The following CSMD1 variants were observed in gnomAD, a reference collection of about 807,000 sequenced individuals.
CSMD1 encodes CUB and sushi domain-containing protein 1.
In CSMD1, 213 loss-of-function variants were observed where a neutral mutation model predicts 417.5. The observed-to-expected ratio is 0.51, with a 90% CI of 0.46 to 0.57. The LOEUF is 0.57. Ranked by LOEUF, CSMD1 falls within the 20% of genes least tolerant of loss-of-function variation. The pLI is 0.00. For synonymous variants in CSMD1, 2,862 were observed against 1,736.8 expected, an observed-to-expected ratio of 1.65 and a Z score of -16.11; for missense variants, 6,923 against 4,529.7, an observed-to-expected ratio of 1.53 and a Z score of -15.17.
chr8:4,979,220 T>C (rs1810737674), intron 1 of CSMD1, among the ~76,000 whole-genome samples: 1 of 152,182 alleles, frequency 6.6e-6, no homozygotes, highest in Non-Finnish European at 1.5e-5. Flanking sequence ...TCTAATTTTT[T>C]TTTAGTTGCA....
chr8:4,175,399 G>A (rs767597267), intron 3 of CSMD1, among the ~76,000 whole-genome samples: 19 of 152,046 alleles, frequency 1.2e-4, no homozygotes, highest in South Asian at 1.2e-3. Context: ...TCTTACCTGC[G>A]CTATACTTTT....
intron 42 of CSMD1, among the ~76,000 whole-genome samples, chr8:3,115,167 T>G (rs1816786665): frequency 6.6e-6 from 1 of 151,422 alleles, no homozygotes; most frequent in Admixed American, 6.6e-5. Context: ...AACCAAATTC[T>G]ACTTAATCAT....
At chr8:4,459,710 C>G (rs1388656815) in intron 2 of CSMD1, among the ~76,000 whole-genome samples, 1 of 152,158 alleles carries the variant, frequency 6.6e-6, no homozygotes, top group Non-Finnish European at 1.5e-5. Context: ...AGAGCAAGTT[C>G]AGAAATAATG....
At chr8:3,183,617 T>A (rs998564845) in intron 36 of CSMD1, among the ~76,000 whole-genome samples, 11 of 150,888 alleles carry the variant, frequency 7.3e-5, no homozygotes, top group Non-Finnish European at 1.6e-4. Context: ...CTCTAATGTT[T>A]CTTAACGATA....
At chr8:4,313,916 A>C (rs1236409773) in intron 3 of CSMD1, among the ~76,000 whole-genome samples, 1 of 152,042 alleles carries the variant, frequency 6.6e-6, no homozygotes, top group Admixed American at 6.6e-5. Flanking sequence ...TGGGAGGCTG[A>C]GTCAGGAGAG....
At chr8:4,328,242 A>ATTTTTT (rs3067534) in intron 3 of CSMD1, among the ~76,000 whole-genome samples, 1 of 124,702 alleles carries the variant, frequency 8.0e-6, no homozygotes. Context: ...ACTCAATACA[A>ATTTTTT]TTTTTTTTTT....
chr8:3,747,429 TAATG>T (rs957788185), intron 6 of CSMD1, among the ~76,000 whole-genome samples: 51 of 152,050 alleles, frequency 3.4e-4, no homozygotes, highest in Admixed American at 7.2e-4. Context: ...TTTTTTTTAC[TAATG>T]GTCATCCATG....
At chr8:3,984,155 G>C (rs1369464474) in intron 5 of CSMD1, among the ~76,000 whole-genome samples, 1 of 152,162 alleles carries the variant, frequency 6.6e-6, no homozygotes, top group African/African-American at 2.4e-5. Flanking sequence ...TGCAGCTCTA[G>C]AGCACATCGC....
At chr8:4,785,311 G>A (rs1162660843) in intron 1 of CSMD1, among the ~76,000 whole-genome samples, 1 of 152,166 alleles carries the variant, frequency 6.6e-6, no homozygotes, top group Non-Finnish European at 1.5e-5. Flanking sequence ...TTACTGGGGT[G>A]CAAAGCATTG....
At chr8:3,298,690 G>A (rs1188796508) in intron 25 of CSMD1, among the ~76,000 whole-genome samples, 1 of 152,206 alleles carries the variant, frequency 6.6e-6, no homozygotes, top group Non-Finnish European at 1.5e-5. Flanking sequence ...CTGATCTCAG[G>A]TAATCTGCCC....
At chr8:3,853,295 C>G (rs1804042647) in intron 5 of CSMD1, among the ~76,000 whole-genome samples, 1 of 152,168 alleles carries the variant, frequency 6.6e-6, no homozygotes. Flanking sequence ...TCTTCATACC[C>G]TGATCAATTT....
At chr8:4,638,258 G>C (rs1802964796) in intron 1 of CSMD1, among the ~76,000 whole-genome samples, 1 of 151,908 alleles carries the variant, frequency 6.6e-6, no homozygotes, top group Non-Finnish European at 1.5e-5. Context: ...AGTTACAGAA[G>C]AATAAACATT....
chr8:4,750,140 G>C (rs373439666), intron 1 of CSMD1, among the ~76,000 whole-genome samples: 1 of 152,090 alleles, frequency 6.6e-6, no homozygotes, highest in African/African-American at 2.4e-5. Context: ...CGAGTAGCTG[G>C]GACTACAGGC....
At chr8:3,628,668 G>A (rs550688274) in intron 7 of CSMD1, among the ~76,000 whole-genome samples, 64 of 152,170 alleles carry the variant, frequency 4.2e-4, no homozygotes, top group Admixed American at 1.7e-3. Context: ...ATCCTCACAG[G>A]CGCCCCGAGA....
At chr8:4,778,025 G>A (rs980699082) in intron 1 of CSMD1, among the ~76,000 whole-genome samples, 4 of 152,184 alleles carry the variant, frequency 2.6e-5, no homozygotes, top group African/African-American at 9.7e-5. Flanking sequence ...TCCCGTTCTA[G>A]ATGGTAGTGG....
At chr8:4,159,975 C>T (rs1045043419) in intron 3 of CSMD1, among the ~76,000 whole-genome samples, 2 of 151,932 alleles carry the variant, frequency 1.3e-5, no homozygotes, top group Admixed American at 6.6e-5. Context: ...AAAAGACTAC[C>T]AATTGGGTTC....
At chr8:3,012,501 C>G (rs933173626) in intron 52 of CSMD1, among the ~76,000 whole-genome samples, 1 of 152,152 alleles carries the variant, frequency 6.6e-6, no homozygotes, top group African/African-American at 2.4e-5. Context: ...GAAGCACAAT[C>G]TCAGGAAACA....
intron 8 of CSMD1, among the ~76,000 whole-genome samples, chr8:3,603,966 T>G (rs1801484048): frequency 6.6e-6 from 1 of 152,220 alleles, no homozygotes; most frequent in South Asian, 2.1e-4. Flanking sequence ...CTTACAAGTT[T>G]ACCTGTAAAT....
chr8:4,547,920 G>T (rs896585856), intron 2 of CSMD1, among the ~76,000 whole-genome samples: 1 of 152,142 alleles, frequency 6.6e-6, no homozygotes, highest in Non-Finnish European at 1.5e-5. Context: ...TAAAGGCCGA[G>T]AAAACAACTT....
Sources: gnomAD v4.1 joint callset for allele counts (sites outside exome capture counted in the v4.1 genomes callset) on GRCh38, gnomAD v4.1.1 for gene constraint, MANE v1.5 for transcripts, NCBI Gene and HGNC (gene_info 2026-07-23, HGNC 2026-07-21) for gene names.